Variants in ANK1 observed in about 807,000 individuals in gnomAD.
ANK1 encodes the protein ankyrin 1, also known as ankyrin-1.
Under a neutral mutation model 210.4 loss-of-function variants are expected in ANK1, and 51 were observed. The observed-to-expected ratio is 0.24, with a 90% CI of 0.19 to 0.31. The LOEUF (loss-of-function observed/expected upper bound fraction) is 0.31. Ranked by LOEUF, ANK1 falls within the 10% of genes least tolerant of loss-of-function variation. ANK1 has a pLI of 1.00. For synonymous variants in ANK1, 967 were observed against 1,025.9 expected, an observed-to-expected ratio of 0.94 and a Z score of 1.10; for missense variants, 2,051 against 2,504.4, an observed-to-expected ratio of 0.82 and a Z score of 3.86.
chr8:41,849,313 T>TTTGGCC lies in ANK1; in HGVS notation c.126+47036_126+47041dup, dbSNP rs1216853726. On this transcript the variant is annotated intron_variant, in intron 1 of 42. Transcript: ENST00000265709. ...CAACCTCATCCCATGGCAGCTCTTC[T>TTTGGCC]TTGGCCTTGGCCTTTGGCCTTGGGC... Among the ~76,000 whole-genome samples, 5 of 152,350 alleles carry TTTGGCC rather than the reference T, an allele frequency of 3.3e-5. No individual in the cohort carries two copies. The East Asian group carries it at 9.6e-4, about 29-fold the overall frequency.
At chr8:41,661,394 C>T (rs755826951) in intron 42 of ANK1, 36 bp downstream of exon 42, 138 of 1,611,774 alleles carry the variant, frequency 8.6e-5, no homozygotes, top group Non-Finnish European at 1.2e-4. Context: ...CACTGAAGAC[C>T]AGGCCATGCA....
At chr8:41,821,310 C>G (rs1563842635) in intron 1 of ANK1, among the ~76,000 whole-genome samples, 1 of 152,082 alleles carries the variant, frequency 6.6e-6, no homozygotes, top group Non-Finnish European at 1.5e-5. Context: ...CATTTTCTTT[C>G]CTTGCTAAAA....
At chr8:41,802,958 G>C (rs1210964345) in intron 1 of ANK1, among the ~76,000 whole-genome samples, 1 of 50,492 alleles carries the variant, frequency 2.0e-5, no homozygotes, top group South Asian at 1.4e-3. Flanking sequence ...AGGGGGGGGG[G>C]GAGAGAGAGA....
chr8:41,727,175 G>T, intron 5 of ANK1, 75 bp downstream of exon 5: 1 of 1,145,716 alleles, frequency 8.7e-7, no homozygotes, highest in Non-Finnish European at 1.3e-6. Flanking sequence ...CCACATCCCA[G>T]GTAGGTGTCA....
At chr8:41,684,446 G>C in intron 37 of ANK1, 98 bp downstream of exon 37, 1 of 1,552,384 alleles carries the variant, frequency 6.4e-7, no homozygotes, top group Non-Finnish European at 8.8e-7. Flanking sequence ...GGCAGAGCGG[G>C]CTTTGAGGGA....
intron 1 of ANK1, among the ~76,000 whole-genome samples, chr8:41,832,448 G>A (rs11988164): frequency 0.012 from 1,796 of 152,280 alleles, 40 homozygotes; most frequent in African/African-American, 0.041. Flanking sequence ...AAATGAACCA[G>A]ATATTAACAC....
chr8:41,734,140 C>A, intron 2 of ANK1, 71 bp from the exon 3 acceptor site: 1 of 1,324,256 alleles, frequency 7.6e-7, no homozygotes, highest in Non-Finnish European at 1.1e-6. Context: ...CAGTGGGGGC[C>A]CAGGCCCCTT....
At chr8:41,705,919 T>C (rs1824439693) in intron 18 of ANK1, among the ~76,000 whole-genome samples, 1 of 152,212 alleles carries the variant, frequency 6.6e-6, no homozygotes, top group African/African-American at 2.4e-5. Flanking sequence ...TTCGCCCCAC[T>C]TTCTCACTGC....
At chr8:41,855,645 GCT>G (rs1264612552) in intron 1 of ANK1, among the ~76,000 whole-genome samples, 1 of 152,202 alleles carries the variant, frequency 6.6e-6, no homozygotes, top group Non-Finnish European at 1.5e-5. Context: ...CAGATAGCCG[GCT>G]CTCTGTTTCT....
chr8:41,701,793 G>T (rs1366011669), intron 21 of ANK1, among the ~76,000 whole-genome samples, 171 bp from the exon 22 acceptor site: 1 of 152,210 alleles, frequency 6.6e-6, no homozygotes, highest in Non-Finnish European at 1.5e-5. Flanking sequence ...GACGGGACCC[G>T]GGAAAACTGG....
At chr8:41,786,574 G>A (rs990789252) in intron 1 of ANK1, among the ~76,000 whole-genome samples, 8 of 152,228 alleles carry the variant, frequency 5.3e-5, no homozygotes, top group African/African-American at 1.9e-4. Context: ...GCTCAGAACA[G>A]TTATCCTAAT....
chr8:41,764,557 G>C (rs1841314708), intron 1 of ANK1, among the ~76,000 whole-genome samples: 1 of 152,158 alleles, frequency 6.6e-6, no homozygotes. Flanking sequence ...AGGCCAGGAG[G>C]CCTGCTCATC....
At chr8:41,864,623 C>T (rs893385936) in intron 1 of ANK1, among the ~76,000 whole-genome samples, 3 of 152,162 alleles carry the variant, frequency 2.0e-5, no homozygotes, top group African/African-American at 7.2e-5. Context: ...GTTACTGCAT[C>T]ATAAATAAAA....
chr8:41,889,576 A>G (rs987530871), intron 1 of ANK1, among the ~76,000 whole-genome samples: 1 of 152,206 alleles, frequency 6.6e-6, no homozygotes, highest in African/African-American at 2.4e-5. Flanking sequence ...TGGCCATTAC[A>G]TCTTTGCTTT....
At chr8:41,861,393 G>T (rs185323952) in intron 1 of ANK1, among the ~76,000 whole-genome samples, 1 of 152,192 alleles carries the variant, frequency 6.6e-6, no homozygotes, top group East Asian at 1.9e-4. Flanking sequence ...CAGAACCCCC[G>T]ATGAACATTT....
chr8:41,756,538 G>A (rs922668943), intron 2 of ANK1, among the ~76,000 whole-genome samples: 2 of 151,558 alleles, frequency 1.3e-5, no homozygotes, highest in Admixed American at 1.3e-4. Context: ...CGCCTCCTGG[G>A]TTCAAGCAAT....
At chr8:41,681,112 G>A (rs561951461) in intron 37 of ANK1, among the ~76,000 whole-genome samples, 44 of 152,300 alleles carry the variant, frequency 2.9e-4, no homozygotes, top group Non-Finnish European at 3.8e-4. Flanking sequence ...CTAGCTTAAC[G>A]TCAGCAGCAA....
At chr8:41,856,556 C>G (rs1260262013) in intron 1 of ANK1, among the ~76,000 whole-genome samples, 2 of 152,180 alleles carry the variant, frequency 1.3e-5, no homozygotes, top group Non-Finnish European at 2.9e-5. Context: ...GAAACTACCT[C>G]ACAGGGTTTT....
At chr8:41,785,694 A>C (rs1846202566) in intron 1 of ANK1, among the ~76,000 whole-genome samples, 1 of 152,098 alleles carries the variant, frequency 6.6e-6, no homozygotes, top group Non-Finnish European at 1.5e-5. Context: ...GGTCTCCATC[A>C]CTTCCGGGCC....
Sources: allele counts gnomAD v4.1 joint callset (sites outside exome capture counted in the v4.1 genomes callset), GRCh38; gene constraint gnomAD v4.1.1; transcripts MANE v1.5; gene names NCBI Gene and HGNC (gene_info 2026-07-23, HGNC 2026-07-21).